The following BROX variants were observed in gnomAD, a reference collection of about 807,000 sequenced individuals.
BROX encodes the protein BRO1 domain-containing protein BROX.
Under a neutral mutation model 61.0 loss-of-function variants are expected in BROX, and 53 were observed. That is an observed-to-expected ratio of 0.87 (90% confidence interval 0.70 to 1.09). The LOEUF is 1.09. Among genes scored for constraint, BROX ranks in the 50% least tolerant of loss-of-function variants. The pLI, the probability that BROX is intolerant of heterozygous loss-of-function variation, is 0.00. For synonymous variants in BROX, 152 were observed against 160.2 expected, an observed-to-expected ratio of 0.95 and a Z score of 0.38; for missense variants, 489 against 472.0, an observed-to-expected ratio of 1.04 and a Z score of -0.33.
rs375941347 is a variant in BROX at position 222,731,415 on chromosome 1, C to G, written c.1048C>G (p.Leu350Val). ...GCTGGAACTCAAAGCAAATTATGGTCTCGTAGAGCCTATACCTTTCGAATT... is the reference window on the plus strand; with the variant it reads ...GCTGGAACTCAAAGCAAATTATGGTGTCGTAGAGCCTATACCTTTCGAATT... Reference protein sequence around the residue: ...PQLELKANYGLVEPIPFEFPP... With the variant: ...PQLELKANYGVVEPIPFEFPP... The change falls in exon 12 of 13, where the codon CTC (leucine) becomes GTC (valine). Residue 350 changes from leucine to valine, a missense_variant. Leu to Val is a conservative substitution (Grantham distance 32). Transcript: ENST00000340934. 5 of 1,589,390 alleles carry G rather than the reference C, an allele frequency of 3.1e-6. No homozygotes were observed. The highest frequency in any genetic ancestry group is 4.3e-6 in the Non-Finnish European group (5 of 1,174,284).
chr1:222,712,908 T>G lies in BROX; in HGVS notation c.-51T>G. The G allele has an allele frequency of 8.2e-7, 1 of 1,219,860 alleles. No individual in the cohort carries two copies. Among genetic ancestry groups the G allele is most frequent in the Non-Finnish European group, 1.1e-6 (1 of 950,104 alleles). 75.6% of individuals were successfully genotyped at this position (1,219,860 alleles called of 1,614,324 possible). ...ACTCCGATATATTGCCCTTCTTCCC[T>G]TAGAAGAACTGCTGAACCGACTCTG... On this transcript the variant is annotated 5_prime_UTR_variant, in exon 1 of 13. Transcript: ENST00000340934.
At chr1:222,725,110 A>G (rs974440843) in intron 6 of BROX, among the ~76,000 whole-genome samples, 5 of 152,094 alleles carry the variant, frequency 3.3e-5, no homozygotes, top group African/African-American at 1.2e-4. Flanking sequence ...ATCTTTAATT[A>G]TTAATGTGAA....
intron 4 of BROX, among the ~76,000 whole-genome samples, chr1:222,721,435 AC>A (rs1393035834): frequency 6.6e-6 from 1 of 151,614 alleles, no homozygotes; most frequent in Non-Finnish European, 1.5e-5. Context: ...GACAGGGGCA[AC>A]AAGTAACTAA....
intron 1 of BROX, chr1:222,713,742 AT>A (rs1558222460): frequency 6.6e-6 from 1 of 152,238 alleles, no homozygotes; most frequent in Non-Finnish European, 1.5e-5. Context: ...TTTGTGGAAG[AT>A]TTCGCAGCCT....
chr1:222,712,771 G>A lies in BROX; in HGVS notation c.-188G>A. ...CTGAGCTGCGCGCACTACCGCCTCG[G>A]TAGCTATCATGGCCGCCGGGTCACG... On this transcript the variant is annotated 5_prime_UTR_variant, in exon 1 of 13. Transcript: ENST00000340934. The A allele has an allele frequency of 7.8e-7, 1 of 1,289,724 alleles. No individual in the cohort carries two copies. Among genetic ancestry groups the A allele is most frequent in the South Asian group, 1.2e-5 (1 of 80,974 alleles). 79.9% of individuals were successfully genotyped at this position (1,289,724 alleles called of 1,614,324 possible).
At chr1:222,716,069 T>C (rs1408050838) in intron 2 of BROX, among the ~76,000 whole-genome samples, 1 of 152,072 alleles carries the variant, frequency 6.6e-6, no homozygotes, top group Admixed American at 6.5e-5. Context: ...TACAAAGTAG[T>C]GTATGGACAT....
At position 222,734,875 on chromosome 1, in the gene BROX, A is replaced by G. The variant is rs1172036651; in HGVS notation, c.*2161A>G. ...GTAATATGCTCAGTGCTTCTGTAAA[A>G]TGCAGCAATACTGGTATTACTTTAC... is the stretch of plus-strand genomic sequence containing the variant. On this transcript the variant is annotated 3_prime_UTR_variant, in exon 13 of 13. Transcript: ENST00000340934. The G allele has an allele frequency of 6.6e-6, 1 of 152,246 alleles. No individual in the cohort carries two copies. Among genetic ancestry groups the G allele is most frequent in the Non-Finnish European group, 1.5e-5 (1 of 68,048 alleles). The allele number at this position is 152,246 out of a possible 1,614,324, so 9.4% of individuals were successfully genotyped here.
chr1:222,717,864 A>C (rs1325185817), intron 2 of BROX: 1 of 152,224 alleles, frequency 6.6e-6, no homozygotes, highest in African/African-American at 2.4e-5. Flanking sequence ...CTAGGCACCT[A>C]CCAAATTCTG....
intron 11 of BROX, among the ~76,000 whole-genome samples, chr1:222,730,789 C>T (rs1657877515): frequency 6.6e-6 from 1 of 152,074 alleles, no homozygotes; most frequent in Non-Finnish European, 1.5e-5. Flanking sequence ...AACTCTGTTT[C>T]CCTGCCATTC....
rs1656838960 is a variant in BROX, at chr1:222,718,869, T to C, written c.102-56T>C. 2.1e-6 allele frequency: 3 copies of C among 1,406,774 alleles called. No individual in the cohort carries two copies. The East Asian group carries it at 6.8e-5, about 32-fold the overall frequency. 87.1% of individuals were successfully genotyped at this position (1,406,774 alleles called of 1,614,324 possible). ...TACATTGAAACCTGGAAGCCACTTT[T>C]ATGTAGATTGATTGCAGTACAGCTA... On this transcript the variant is annotated intron_variant, in intron 2 of 12. Transcript: ENST00000340934.
rs773173081 is a variant in BROX at position 222,732,706 on chromosome 1, A to C, written c.1228A>C (p.Ile410Leu). The change falls in exon 13 of 13, where the codon ATC (isoleucine) becomes CTC (leucine). Residue 410 changes from isoleucine (I) to leucine (L), a missense_variant. Physicochemically the swap from Ile to Leu is conservative, Grantham distance 5. Coordinates refer to ENST00000340934, the MANE Select transcript of BROX (RefSeq NM_144695.4). ...IKPQKDTGCY[I>L]S Reference sequence around the variant, plus strand: ...ACCTCAAAAGGACACTGGGTGCTACATCTCCTAAAATACAACTTGCACTTA... The same window carrying C: ...ACCTCAAAAGGACACTGGGTGCTACCTCTCCTAAAATACAACTTGCACTTA... 2 of 1,609,134 alleles carry C rather than the reference A, an allele frequency of 1.2e-6. No individual in the cohort carries two copies. The highest frequency in any genetic ancestry group is 1.1e-5 in the South Asian group (1 of 90,590).
Position 222,719,499 on chromosome 1 carries a change from G to A in BROX, c.305+140G>A, listed in dbSNP as rs914540262. On this transcript the variant is annotated intron_variant, in intron 4 of 12. Coordinates refer to ENST00000340934, the MANE Select transcript of BROX (RefSeq NM_144695.4). Reference sequence around the variant, plus strand: ...TCTCTTACCAGGAAATTAATTAAAAGCATTTTACCTCAATCCTAGTACATA... The same window carrying A: ...TCTCTTACCAGGAAATTAATTAAAAACATTTTACCTCAATCCTAGTACATA... 9 of 614,890 alleles carry A rather than the reference G, an allele frequency of 1.5e-5. No individual in the cohort carries two copies. In the East Asian group the frequency reaches 1.6e-4, roughly 11 times the overall value. 38.1% of individuals were successfully genotyped at this position (614,890 alleles called of 1,614,324 possible). A position where few individuals can be genotyped will look rare whatever the true frequency, so the allele number is the denominator to read the frequency against.
intron 2 of BROX, among the ~76,000 whole-genome samples, chr1:222,717,057 T>A (rs1192847114): frequency 3.3e-5 from 5 of 152,174 alleles, no homozygotes. Context: ...CAACAAAAGA[T>A]AGGATAATTG....
chr1:222,727,513 A>G (rs1451060213), intron 8 of BROX, among the ~76,000 whole-genome samples: 1 of 152,178 alleles, frequency 6.6e-6, no homozygotes, highest in East Asian at 1.9e-4. Flanking sequence ...AGTGTTTATA[A>G]CAACCTTATA....
At position 222,712,820 on chromosome 1, in the gene BROX, G is replaced by A. The variant is rs762210572; in HGVS notation, c.-139G>A. ...CGTGACTCCGGCTTGGCGCCGTCCT[G>A]GTTTTCCGTCACCCTGGTTCTGTAG... On this transcript the variant is annotated 5_prime_UTR_variant, in exon 1 of 13. It introduces an in-frame stop codon into an upstream open reading frame of the 5' UTR. Coordinates refer to ENST00000340934, the MANE Select transcript of BROX (RefSeq NM_144695.4). The A allele has an allele frequency of 7.8e-7, 1 of 1,288,450 alleles. No individual in the cohort carries two copies. Among genetic ancestry groups the A allele is most frequent in the Non-Finnish European group, 1.0e-6 (1 of 988,426 alleles). The allele number at this position is 1,288,450 out of a possible 1,614,324, so 79.8% of individuals were successfully genotyped here. A position where few individuals can be genotyped will look rare whatever the true frequency, so the allele number is the denominator to read the frequency against.
chr1:222,724,887 C>T (rs1657389576), intron 6 of BROX, among the ~76,000 whole-genome samples: 1 of 151,914 alleles, frequency 6.6e-6, no homozygotes, highest in Non-Finnish European at 1.5e-5. Flanking sequence ...CTCTGCCTCC[C>T]GGTTCAAGTG....
rs1181677260 is a variant in BROX at position 222,732,719 on chromosome 1, C to A, written c.*5C>A. ...ACTGGGTGCTACATCTCCTAAAATACAACTTGCACTTAGAATTTCTCTAGC... is the reference window on the plus strand; with the variant it reads ...ACTGGGTGCTACATCTCCTAAAATAAAACTTGCACTTAGAATTTCTCTAGC... On this transcript the variant is annotated 3_prime_UTR_variant, in exon 13 of 13. Transcript: ENST00000340934. 2 of 1,597,802 alleles carry A rather than the reference C, an allele frequency of 1.3e-6. No homozygotes were observed. The highest frequency in any genetic ancestry group is 1.7e-6 in the Non-Finnish European group (2 of 1,168,582).
chr1:222,723,431 A>G (rs970022106), intron 5 of BROX, among the ~76,000 whole-genome samples: 2 of 152,132 alleles, frequency 1.3e-5, no homozygotes, highest in South Asian at 2.1e-4. Flanking sequence ...ATGATCCACC[A>G]TGCCTGGCTG....
At chr1:222,720,092 A>G (rs977463061) in intron 4 of BROX, among the ~76,000 whole-genome samples, 3 of 152,326 alleles carry the variant, frequency 2.0e-5, no homozygotes, top group African/African-American at 7.2e-5. Context: ...GAGTATGAAC[A>G]TTGGGTTTGT....
Sources: gnomAD v4.1 joint callset for allele counts (sites outside exome capture counted in the v4.1 genomes callset) on GRCh38, gnomAD v4.1.1 for gene constraint, MANE v1.5 for transcripts, NCBI Gene and HGNC (gene_info 2026-07-23, HGNC 2026-07-21) for gene names.